MSRA: variants seen among roughly 807,000 people sequenced by gnomAD.
MSRA encodes the protein methionine sulfoxide reductase A, also known as mitochondrial peptide methionine sulfoxide reductase.
MSRA carries 54 observed loss-of-function variants against 31.3 expected under a neutral mutation model. The ratio of observed to expected loss-of-function variants is 1.73; its 90% CI spans 1.39 to 2.17. The LOEUF (loss-of-function observed/expected upper bound fraction) is 2.17, where lower values mean the gene tolerates loss of function less well. Among genes scored for constraint, MSRA ranks in the 30% most tolerant of loss-of-function variants. The pLI, the probability that MSRA is intolerant of heterozygous loss-of-function variation, is 0.00. For synonymous variants in MSRA, 169 were observed against 116.5 expected (o/e 1.45, Z -2.90); for missense variants, 507 against 300.9 (o/e 1.69, Z -5.07).
intron 5 of MSRA, among the ~76,000 whole-genome samples, chr8:10,401,731 G>T (rs1807477460): frequency 6.6e-6 from 1 of 152,194 alleles, no homozygotes; most frequent in Non-Finnish European, 1.5e-5. Context: ...AGCCTGAAAA[G>T]GGAAGAAAAT....
At chr8:10,158,390 C>A (rs2129040792) in intron 1 of MSRA, among the ~76,000 whole-genome samples, 2 of 151,840 alleles carry the variant, frequency 1.3e-5, no homozygotes, top group East Asian at 3.9e-4. Context: ...TCCCAACACT[C>A]CCCCAGCTAT....
At chr8:10,176,396 C>G (rs1010677972) in intron 1 of MSRA, among the ~76,000 whole-genome samples, 20 of 152,160 alleles carry the variant, frequency 1.3e-4, no homozygotes, top group African/African-American at 4.6e-4. Flanking sequence ...GGATCTAGGA[C>G]AGAAGGGGAC....
chr8:10,257,680 G>T (rs1478218727), intron 3 of MSRA, among the ~76,000 whole-genome samples: 1 of 152,140 alleles, frequency 6.6e-6, no homozygotes, highest in African/African-American at 2.4e-5. Flanking sequence ...CACCTCAATG[G>T]CCTCCCATTT....
intron 1 of MSRA, among the ~76,000 whole-genome samples, chr8:10,147,512 C>G (rs2129034445): frequency 6.6e-6 from 1 of 152,314 alleles, no homozygotes; most frequent in South Asian, 2.1e-4. Flanking sequence ...TTATATAACC[C>G]TGCCTGGGAA....
intron 4 of MSRA, among the ~76,000 whole-genome samples, chr8:10,316,705 C>G (rs1801747355): frequency 6.6e-6 from 1 of 152,026 alleles, no homozygotes; most frequent in South Asian, 2.1e-4. Flanking sequence ...ATTAAGTTCT[C>G]AGATAAAGTG....
At chr8:10,414,240 G>A (rs964762146) in intron 5 of MSRA, among the ~76,000 whole-genome samples, 2 of 152,304 alleles carry the variant, frequency 1.3e-5, no homozygotes, top group Admixed American at 1.3e-4. Context: ...ATGGGCAAGA[G>A]CACAGTTTAG....
chr8:10,212,585 G>C (rs189200180), intron 2 of MSRA, among the ~76,000 whole-genome samples: 27 of 152,326 alleles, frequency 1.8e-4, no homozygotes, highest in African/African-American at 5.8e-4. Context: ...CAGTTTGAAA[G>C]TTAATGCGTA....
intron 4 of MSRA, among the ~76,000 whole-genome samples, chr8:10,303,395 G>A (rs1800952717): frequency 3.3e-5 from 5 of 152,170 alleles, no homozygotes; most frequent in Admixed American, 3.3e-4. Flanking sequence ...TATGATGAGG[G>A]TTTGGGCTGG....
At chr8:10,136,543 C>A (rs565210158) in intron 1 of MSRA, among the ~76,000 whole-genome samples, 56 of 152,316 alleles carry the variant, frequency 3.7e-4, no homozygotes, top group Non-Finnish European at 4.7e-4. Context: ...ATGGACTTGT[C>A]CTCATTTTTA....
chr8:10,253,977 G>A (rs2975699), intron 3 of MSRA, among the ~76,000 whole-genome samples: 16 of 152,266 alleles, frequency 1.1e-4, no homozygotes, highest in East Asian at 5.8e-4. Flanking sequence ...GCACCCAGAC[G>A]TGAGCGGAGC....
At chr8:10,170,320 A>T (rs560236725) in intron 1 of MSRA, among the ~76,000 whole-genome samples, 17 of 152,280 alleles carry the variant, frequency 1.1e-4, no homozygotes, top group African/African-American at 4.1e-4. Context: ...GCCCTTAGGC[A>T]TGGAGTTAGT....
chr8:10,314,340 C>G (rs1006647717), intron 4 of MSRA, among the ~76,000 whole-genome samples: 1 of 151,584 alleles, frequency 6.6e-6, no homozygotes, highest in African/African-American at 2.4e-5. Context: ...TTAGAAAAGA[C>G]AGACTGCTGA....
chr8:10,351,273 T>TTTA (rs1554536323), intron 5 of MSRA, among the ~76,000 whole-genome samples: 2 of 143,132 alleles, frequency 1.4e-5, no homozygotes, highest in Non-Finnish European at 3.1e-5. Flanking sequence ...TTTTTTTTTT[T>TTTA]AGACGGAGTC....
intron 1 of MSRA, among the ~76,000 whole-genome samples, chr8:10,172,688 C>T (rs1301770722): frequency 6.6e-6 from 1 of 152,036 alleles, no homozygotes; most frequent in African/African-American, 2.4e-5. Context: ...GAATCTAGGG[C>T]CCAAAGTCTC....
intron 1 of MSRA, among the ~76,000 whole-genome samples, chr8:10,140,034 G>T (rs143184919): frequency 6.6e-6 from 1 of 152,198 alleles, no homozygotes; most frequent in African/African-American, 2.4e-5. Flanking sequence ...TCTGCGACAC[G>T]GGAGCCTTCC....
intron 2 of MSRA, among the ~76,000 whole-genome samples, chr8:10,218,058 C>G (rs556218912): frequency 6.6e-6 from 1 of 152,074 alleles, no homozygotes; most frequent in South Asian, 2.1e-4. Context: ...GGCTGATCAG[C>G]ATCTGTAAGT....
At chr8:10,109,711 G>A (rs1402679355) in intron 1 of MSRA, among the ~76,000 whole-genome samples, 1 of 152,154 alleles carries the variant, frequency 6.6e-6, no homozygotes, top group Non-Finnish European at 1.5e-5. Flanking sequence ...TGTTTTTGAA[G>A]AAACTTTATT....
At chr8:10,101,813 C>G (rs149171308) in intron 1 of MSRA, among the ~76,000 whole-genome samples, 13 of 152,258 alleles carry the variant, frequency 8.5e-5, no homozygotes, top group Admixed American at 3.3e-4. Flanking sequence ...GTTGCTTCTA[C>G]CTTTTGGCTG....
chr8:10,298,793 C>T (rs1800682422), intron 3 of MSRA, among the ~76,000 whole-genome samples: 1 of 152,054 alleles, frequency 6.6e-6, no homozygotes, highest in African/African-American at 2.4e-5. Flanking sequence ...ACGTTTGTTT[C>T]CCTTTGTTTG....
Sources: allele counts gnomAD v4.1 joint callset (sites outside exome capture counted in the v4.1 genomes callset), GRCh38; gene constraint gnomAD v4.1.1; transcripts MANE v1.5; gene names NCBI Gene and HGNC (gene_info 2026-07-23, HGNC 2026-07-21).